The following SGCD variants were observed in gnomAD, a reference collection of about 807,000 sequenced individuals.
The protein encoded by SGCD is sarcoglycan delta.
SGCD carries 18 observed loss-of-function variants against 36.6 expected under a neutral mutation model. That is an observed-to-expected ratio of 0.49 (90% CI 0.34 to 0.73). The LOEUF (loss-of-function observed/expected upper bound fraction) is 0.73, where lower values mean the gene tolerates loss of function less well. Among genes scored for constraint, SGCD ranks in the 30% least tolerant of loss-of-function variants. SGCD has a pLI of 0.01. For synonymous variants in SGCD, 133 were observed against 130.6 expected (o/e 1.02, Z -0.12); for missense variants, 387 against 346.7 (o/e 1.12, Z -0.92).
At chr5:156,375,699 G>C (rs1398522428) in intron 3 of SGCD, among the ~76,000 whole-genome samples, 3 of 152,190 alleles carry the variant, frequency 2.0e-5, no homozygotes, top group Non-Finnish European at 2.9e-5. Flanking sequence ...AGATGTACAA[G>C]AGTGCATTGG....
At chr5:156,366,975 A>G (rs11741970) in intron 3 of SGCD, among the ~76,000 whole-genome samples, 9,863 of 152,316 alleles carry the variant, frequency 0.065, 436 homozygotes, top group Non-Finnish European at 0.1. Flanking sequence ...ATGCTTTCTC[A>G]TGTATTTTAA....
Position 156,329,531 on chromosome 5 carries a change from C to A in SGCD, c.-43-3C>A, listed in dbSNP as rs762330874. On this transcript the variant is annotated splice_polypyrimidine_tract_variant and splice_region_variant and intron_variant, in intron 1 of 8. Transcript: ENST00000337851. Reference sequence around the variant, plus strand: ...ATTTTTAACCCATATTTGTTCCTTGCAGAGACATTACTGCCGGGAGTGTTG... The same window carrying A: ...ATTTTTAACCCATATTTGTTCCTTGAAGAGACATTACTGCCGGGAGTGTTG... 5 of 1,607,468 alleles carry A rather than the reference C, an allele frequency of 3.1e-6. No individual in the cohort carries two copies. The highest frequency in any genetic ancestry group is 4.3e-6 in the Non-Finnish European group (5 of 1,174,234).
At chr5:156,027,202 C>T (rs999327471) in intron 1 of SGCD, among the ~76,000 whole-genome samples, 2 of 152,148 alleles carry the variant, frequency 1.3e-5, no homozygotes, top group African/African-American at 4.8e-5. Flanking sequence ...CACAAACAAT[C>T]CTTATTCATT....
intron 3 of SGCD, among the ~76,000 whole-genome samples, chr5:156,362,016 C>T (rs143634773): frequency 9.6e-4 from 146 of 152,072 alleles, no homozygotes; most frequent in African/African-American, 3.0e-3. Context: ...GATTTTAGGC[C>T]GAAGGAAAAG....
At chr5:156,733,495 G>A (rs979002376) in intron 7 of SGCD, among the ~76,000 whole-genome samples, 1 of 152,080 alleles carries the variant, frequency 6.6e-6, no homozygotes, top group Non-Finnish European at 1.5e-5. Context: ...ATATTCTGTT[G>A]TTTTGGGGTG....
At chr5:155,892,459 G>GAAAAAAAAAAAAAAAAA (rs70981989) in intron 1 of SGCD, among the ~76,000 whole-genome samples, 1 of 94,312 alleles carries the variant, frequency 1.1e-5, no homozygotes, top group African/African-American at 3.8e-5. Context: ...ATCTGAAAAA[G>GAAAAAAAAAAAAAAAAA]AAAAAAAAAA....
intron 3 of SGCD, among the ~76,000 whole-genome samples, chr5:156,448,529 C>G (rs1272808167): frequency 6.6e-6 from 1 of 152,020 alleles, no homozygotes; most frequent in Non-Finnish European, 1.5e-5. Flanking sequence ...GGTTCAGAAG[C>G]ATAAGCTGGA....
At chr5:156,711,459 T>C (rs1042048720) in intron 7 of SGCD, among the ~76,000 whole-genome samples, 5 of 152,206 alleles carry the variant, frequency 3.3e-5, no homozygotes, top group Non-Finnish European at 7.4e-5. Flanking sequence ...AACTAACTTT[T>C]TGATGCAAGC....
At chr5:156,698,561 A>G (rs1754406756) in intron 7 of SGCD, among the ~76,000 whole-genome samples, 1 of 152,200 alleles carries the variant, frequency 6.6e-6, no homozygotes, top group Non-Finnish European at 1.5e-5. Flanking sequence ...AACAGATGGT[A>G]TTCGGCTTGT....
chr5:156,298,832 T>C (rs534769314), intron 3 of SGCD, among the ~76,000 whole-genome samples: 1 of 152,300 alleles, frequency 6.6e-6, no homozygotes, highest in South Asian at 2.1e-4. Context: ...GCTCCTAATA[T>C]ATTTGGGTTA....
intron 3 of SGCD, among the ~76,000 whole-genome samples, chr5:156,197,042 T>C (rs769197627): frequency 5.7e-4 from 87 of 152,218 alleles, no homozygotes; most frequent in Non-Finnish European, 7.8e-4. Context: ...TTAATGGCCA[T>C]TGCTTATTTA....
chr5:156,472,610 G>T (rs1343873345), intron 3 of SGCD, among the ~76,000 whole-genome samples: 1 of 152,112 alleles, frequency 6.6e-6, no homozygotes, highest in East Asian at 1.9e-4. Flanking sequence ...CAGAAATGGG[G>T]TTTCACCATG....
chr5:155,902,281 C>T (rs1756408646), intron 1 of SGCD, among the ~76,000 whole-genome samples: 3 of 152,104 alleles, frequency 2.0e-5, no homozygotes, highest in South Asian at 4.1e-4. Context: ...ATAAAGTAGT[C>T]GTTTTAAAAA....
intron 3 of SGCD, among the ~76,000 whole-genome samples, chr5:156,150,888 C>T (rs1212471410): frequency 6.6e-6 from 1 of 151,630 alleles, no homozygotes; most frequent in Non-Finnish European, 1.5e-5. Flanking sequence ...GAAGGACTTT[C>T]AGAATGTCAA....
intron 3 of SGCD, among the ~76,000 whole-genome samples, chr5:156,212,490 A>G (rs1764470433): frequency 6.6e-6 from 1 of 152,220 alleles, no homozygotes; most frequent in South Asian, 2.1e-4. Flanking sequence ...GAGCATCTAA[A>G]TATGTGAAAC....
chr5:155,771,624 C>T, the SGCD span, among the ~76,000 whole-genome samples: 51 of 151,944 alleles, frequency 3.4e-4, no homozygotes, highest in Non-Finnish European at 6.6e-4. Context: ...GGGGTTTCAC[C>T]ATGTTGGCCA....
intron 3 of SGCD, among the ~76,000 whole-genome samples, chr5:156,228,213 G>T (rs922506527): frequency 2.0e-5 from 3 of 152,104 alleles, no homozygotes. Context: ...TTCCTGTCTT[G>T]ATGACCTGTC....
intron 3 of SGCD, among the ~76,000 whole-genome samples, chr5:156,488,098 GTTTTTTTT>G (rs559483068): frequency 5.4e-5 from 5 of 92,518 alleles, no homozygotes; most frequent in African/African-American, 1.0e-4. Flanking sequence ...TTGAAGACAG[GTTTTTTTT>G]TTTTTTTTTT....
rs573109924 is a variant in SGCD at position 156,329,582 on chromosome 5, G to C, written c.3+3G>C. On this transcript the variant is annotated splice_donor_region_variant and intron_variant, in intron 2 of 8. Coordinates refer to ENST00000337851, the MANE Select transcript of SGCD (RefSeq NM_000337.6). ...AGTGAAGGGACCAGGTGGAGATGGTGAGTAATTCCCGGGAGCGAAGCTTGT... is the reference window on the plus strand; with the variant it reads ...AGTGAAGGGACCAGGTGGAGATGGTCAGTAATTCCCGGGAGCGAAGCTTGT... 1.1e-4 allele frequency: 171 copies of C among 1,613,078 alleles called. No individual in the cohort carries two copies. The South Asian group carries it at 1.7e-3, about 16-fold the overall frequency.
Sources: gnomAD v4.1 joint callset for allele counts (sites outside exome capture counted in the v4.1 genomes callset) on GRCh38, gnomAD v4.1.1 for gene constraint, MANE v1.5 for transcripts, NCBI Gene and HGNC (gene_info 2026-07-23, HGNC 2026-07-21) for gene names.